CDH8: variants seen among roughly 807,000 people sequenced by gnomAD.
CDH8 encodes the protein cadherin-8.
A neutral mutation model predicts 68.1 loss-of-function variants in CDH8; 17 were observed. The observed-to-expected ratio is 0.25, with a 90% CI of 0.17 to 0.37. CDH8 has a LOEUF of 0.37. CDH8 is among the 10% of genes least tolerant of loss of function. The probability of loss-of-function intolerance (pLI) is 1.00; values close to 1 mark genes in which losing one functional copy is unlikely to be tolerated. For missense variants in CDH8, 763 were observed against 999.3 expected (o/e 0.76, Z 3.19); for synonymous variants, 372 against 365.1 (o/e 1.02, Z -0.21).
intron 2 of CDH8, among the ~76,000 whole-genome samples, chr16:61,982,986 CAT>C (rs1216677759): frequency 1.3e-5 from 2 of 152,022 alleles, no homozygotes; most frequent in Non-Finnish European, 2.9e-5. Flanking sequence ...CTACATGTAA[CAT>C]ATAAAAGTAA....
chr16:61,714,550 T>G (rs546775446), intron 9 of CDH8, among the ~76,000 whole-genome samples: 4 of 151,618 alleles, frequency 2.6e-5, no homozygotes, highest in Non-Finnish European at 5.9e-5. Context: ...CTGAGATGAA[T>G]AAATTATAGG....
chr16:61,853,059 T>C (rs1351732201), intron 4 of CDH8, among the ~76,000 whole-genome samples: 1 of 152,012 alleles, frequency 6.6e-6, no homozygotes, highest in Non-Finnish European at 1.5e-5. Flanking sequence ...CACTCTAGCA[T>C]GGTAATTAAC....
At chr16:61,896,976 G>C (rs988625919) in intron 3 of CDH8, among the ~76,000 whole-genome samples, 1 of 151,278 alleles carries the variant, frequency 6.6e-6, no homozygotes, top group East Asian at 1.9e-4. Context: ...ATAGAACCAG[G>C]GTTCAAACTC....
intron 2 of CDH8, among the ~76,000 whole-genome samples, chr16:61,929,121 G>A (rs1405625596): frequency 6.6e-6 from 1 of 152,154 alleles, no homozygotes; most frequent in Non-Finnish European, 1.5e-5. Flanking sequence ...TTGTTAGCCA[G>A]GATGGTCTGG....
chr16:61,999,261 GT>G (rs1965854020), intron 2 of CDH8, among the ~76,000 whole-genome samples: 1 of 152,156 alleles, frequency 6.6e-6, no homozygotes, highest in African/African-American at 2.4e-5. Flanking sequence ...GCTCAGTGAT[GT>G]TGAGCTTACT....
intron 2 of CDH8, among the ~76,000 whole-genome samples, chr16:62,001,002 T>C (rs1288920390): frequency 6.6e-6 from 1 of 152,212 alleles, no homozygotes; most frequent in East Asian, 1.9e-4. Context: ...TATTCAACAA[T>C]GCTAAAAATT....
chr16:61,770,651 T>C (rs1418023899), intron 8 of CDH8, among the ~76,000 whole-genome samples: 2 of 151,962 alleles, frequency 1.3e-5, no homozygotes, highest in Non-Finnish European at 2.9e-5. Context: ...GCTTTCCTTC[T>C]TCACTTGCCA....
chr16:61,692,596 T>C (rs549421667), intron 10 of CDH8: 1 of 151,692 alleles, frequency 6.6e-6, no homozygotes, highest in South Asian at 2.1e-4. Context: ...TTTGTTTTCA[T>C]TGAAGGAGAA....
At chr16:61,984,097 T>G (rs950843933) in intron 2 of CDH8, among the ~76,000 whole-genome samples, 4 of 151,892 alleles carry the variant, frequency 2.6e-5, no homozygotes, top group Non-Finnish European at 5.9e-5. Flanking sequence ...TTTTGTATTT[T>G]TAGTACAGAT....
At chr16:61,915,210 A>G (rs894474567) in intron 2 of CDH8, among the ~76,000 whole-genome samples, 12 of 152,204 alleles carry the variant, frequency 7.9e-5, no homozygotes, top group African/African-American at 2.9e-4. Flanking sequence ...GCATGGCTAC[A>G]GTCGGAAAAT....
At chr16:61,706,431 C>A (rs1964533520) in intron 10 of CDH8, among the ~76,000 whole-genome samples, 1 of 151,878 alleles carries the variant, frequency 6.6e-6, no homozygotes, top group African/African-American at 2.4e-5. Context: ...TCCTGGCTAA[C>A]ACGGTGAAAC....
intron 7 of CDH8, among the ~76,000 whole-genome samples, chr16:61,794,548 A>G (rs1961453911): frequency 6.6e-6 from 1 of 152,040 alleles, no homozygotes; most frequent in Non-Finnish European, 1.5e-5. Flanking sequence ...ATTTCTATTG[A>G]TGATTCCCTG....
chr16:61,984,226 T>C (rs1016942210), intron 2 of CDH8, among the ~76,000 whole-genome samples: 1 of 152,156 alleles, frequency 6.6e-6, no homozygotes, highest in African/African-American at 2.4e-5. Flanking sequence ...CTCTTTATTT[T>C]AATAAGGGCA....
chr16:61,916,341 CCT>C (rs1217904600), intron 2 of CDH8, among the ~76,000 whole-genome samples: 3 of 151,966 alleles, frequency 2.0e-5, no homozygotes, highest in South Asian at 2.1e-4. Context: ...TGGTGAAACC[CCT>C]GTCTCTACCA....
At position 61,710,273 on chromosome 16, in the gene CDH8, G is replaced by A. The variant is rs181475843; in HGVS notation, c.1654+3568C>T. On this transcript the variant is annotated intron_variant, in intron 10 of 11. Transcript: ENST00000577390. ...GTAAGAGTATTCGATACTTCCAGAA[G>A]ATAAAAATAAATAAACTGTATACCA... is the stretch of plus-strand genomic sequence containing the variant. Among the ~76,000 whole-genome samples, 28 of 152,070 alleles carry A rather than the reference G, an allele frequency of 1.8e-4. No individual in the cohort carries two copies. In the East Asian group the frequency reaches 5.2e-3, roughly 28 times the overall value.
At chr16:61,759,505 C>CT (rs1567457168) in intron 8 of CDH8, among the ~76,000 whole-genome samples, 20 of 151,948 alleles carry the variant, frequency 1.3e-4, no homozygotes, top group Admixed American at 5.3e-4. Context: ...TGTCTAGAGT[C>CT]AAAAGTCTAG....
At chr16:61,808,282 A>C (rs1187862875) in intron 7 of CDH8, among the ~76,000 whole-genome samples, 1 of 152,182 alleles carries the variant, frequency 6.6e-6, no homozygotes, top group East Asian at 1.9e-4. Context: ...TAAGGCAGTC[A>C]ACAGCCTCAA....
At chr16:61,981,648 ATG>A (rs750036103) in intron 2 of CDH8, among the ~76,000 whole-genome samples, 8,730 of 146,592 alleles carry the variant, frequency 0.06, 309 homozygotes, top group Middle Eastern at 0.11. Context: ...CTTGAAAAGA[ATG>A]TGTGTGTGTG....
intron 2 of CDH8, among the ~76,000 whole-genome samples, chr16:61,908,356 G>C (rs1688393556): frequency 6.6e-6 from 1 of 152,122 alleles, no homozygotes; most frequent in African/African-American, 2.4e-5. Context: ...CAAATGATAA[G>C]CATATAGGAC....
Sources: gnomAD v4.1 joint callset for allele counts (sites outside exome capture counted in the v4.1 genomes callset) on GRCh38, gnomAD v4.1.1 for gene constraint, MANE v1.5 for transcripts, NCBI Gene and HGNC (gene_info 2026-07-23, HGNC 2026-07-21) for gene names.